ZDHHC15: variants seen among roughly 807,000 people sequenced by gnomAD.
ZDHHC15 encodes zDHHC palmitoyltransferase 15.
A neutral mutation model predicts 31.7 loss-of-function variants in ZDHHC15; 19 were observed. The observed-to-expected ratio is 0.60, with a 90% CI of 0.42 to 0.88. The LOEUF is 0.88. ZDHHC15 is among the 40% of genes least tolerant of loss of function. The probability of loss-of-function intolerance (pLI) is 0.00; values close to 1 mark genes in which losing one functional copy is unlikely to be tolerated. For synonymous variants in ZDHHC15, 103 were observed against 90.0 expected (o/e 1.14, Z -0.82); for missense variants, 209 against 251.2 (o/e 0.83, Z 1.14).
intron 3 of ZDHHC15, among the ~76,000 whole-genome samples, chrX:75,455,728 GAA>G (rs1569338975): frequency 8.9e-6 from 1 of 112,203 alleles, no homozygotes; most frequent in Non-Finnish European, 1.9e-5. Flanking sequence ...CTTTTCAAAA[GAA>G]GACATTTATG....
At chrX:75,490,999 G>T (rs1022762732) in intron 2 of ZDHHC15, among the ~76,000 whole-genome samples, 2 of 111,709 alleles carry the variant, frequency 1.8e-5, no homozygotes, top group African/African-American at 6.5e-5. Context: ...AGGATGTGGA[G>T]AAATAGGAAC....
chrX:75,461,098 G>A (rs760376660), intron 3 of ZDHHC15, among the ~76,000 whole-genome samples: 22 of 111,914 alleles, frequency 2.0e-4, no homozygotes, highest in East Asian at 5.6e-4. Context: ...GAATATAACC[G>A]ACATGACGGA....
intron 2 of ZDHHC15, among the ~76,000 whole-genome samples, chrX:75,485,808 C>A (rs754379993): frequency 2.7e-5 from 3 of 112,546 alleles, no homozygotes; most frequent in Non-Finnish European, 5.6e-5. Flanking sequence ...TAACAACTTA[C>A]GCTAAGTTAT....
chrX:75,419,542 A>T (rs954453370), intron 9 of ZDHHC15, among the ~76,000 whole-genome samples: 2 of 110,909 alleles, frequency 1.8e-5, no homozygotes, highest in Non-Finnish European at 3.8e-5. Context: ...TCAGTGTGGC[A>T]ATTCCTCAGG....
intron 4 of ZDHHC15, among the ~76,000 whole-genome samples, chrX:75,447,799 G>A (rs1440840975): frequency 9.0e-6 from 1 of 111,702 alleles, no homozygotes; most frequent in Non-Finnish European, 1.9e-5. Context: ...TCCACCAGGG[G>A]ACACAACAAT....
intron 10 of ZDHHC15, among the ~76,000 whole-genome samples, chrX:75,382,349 A>T: frequency 8.9e-6 from 1 of 112,471 alleles, no homozygotes; most frequent in Admixed American, 9.4e-5. Flanking sequence ...AACATCCATG[A>T]TATTACTGCA....
At chrX:75,400,886 T>C (rs768643496) in intron 10 of ZDHHC15, among the ~76,000 whole-genome samples, 1 of 111,637 alleles carries the variant, frequency 9.0e-6, no homozygotes, top group Non-Finnish European at 1.9e-5. Flanking sequence ...AAACTAAGCT[T>C]CCTAAGTGAA....
At chrX:75,489,999 G>A (rs2084850612) in intron 2 of ZDHHC15, among the ~76,000 whole-genome samples, 1 of 111,762 alleles carries the variant, frequency 8.9e-6, no homozygotes, top group Admixed American at 9.5e-5. Context: ...AGTGATGGAA[G>A]ATCAAATGAA....
At chrX:75,410,494 T>A (rs1347635447) in intron 10 of ZDHHC15, among the ~76,000 whole-genome samples, 1 of 112,156 alleles carries the variant, frequency 8.9e-6, no homozygotes, top group African/African-American at 3.2e-5. Context: ...AACAGGTATA[T>A]GAAAAATGCT....
rs1555989946 is a variant in ZDHHC15 at position 75,377,504 on chromosome X, A to AT, written c.*32+1615_*32+1616insA. The stretch of plus-strand genomic sequence containing the variant: ...GAGTGAGACTCCATCTCAAAAAAAA[A>AT]ATATATATATATGTATATATGAGTT... On this transcript the variant is annotated intron_variant, in intron 11 of 11. Coordinates refer to ENST00000373367, the MANE Select transcript of ZDHHC15 (RefSeq NM_144969.3). Among the ~76,000 whole-genome samples, 956 of 105,464 alleles carry AT rather than the reference A, an allele frequency of 9.1e-3. 4 individuals are homozygous for AT. The highest frequency in any genetic ancestry group is 0.013 in the Admixed American group (122 of 9,589). 91.6% of individuals were successfully genotyped at this position (105,464 alleles called of 115,157 possible). A position where few individuals can be genotyped will look rare whatever the true frequency, so the allele number is the denominator to read the frequency against.
rs182037308 is a variant in ZDHHC15, at chrX:75,418,658, G to A, written c.864-1468C>T. On this transcript the variant is annotated intron_variant, in intron 9 of 11. Transcript: ENST00000373367. Reference sequence around the variant, plus strand: ...ACAGAACAGAGGCCTCAGAAATAACGTCACAAATCTACAACCATCTGACCT... The same window carrying A: ...ACAGAACAGAGGCCTCAGAAATAACATCACAAATCTACAACCATCTGACCT... 3.8e-3 allele frequency among the ~76,000 whole-genome samples: 422 copies of A among 111,728 alleles called. 3 individuals carry two copies. Among genetic ancestry groups the A allele is most frequent in the African/African-American group, 0.013 (390 of 30,804 alleles).
intron 10 of ZDHHC15, among the ~76,000 whole-genome samples, chrX:75,413,908 A>G (rs1279980667): frequency 1.8e-5 from 2 of 110,271 alleles, no homozygotes; most frequent in African/African-American, 3.3e-5. Context: ...TCACCCTGAC[A>G]ATCATACCCA....
At chrX:75,405,196 A>G (rs1262100565) in intron 10 of ZDHHC15, among the ~76,000 whole-genome samples, 1 of 111,341 alleles carries the variant, frequency 9.0e-6, no homozygotes, top group African/African-American at 3.3e-5. Flanking sequence ...ATGAACAAAA[A>G]GAAGGAAAAA....
intron 3 of ZDHHC15, among the ~76,000 whole-genome samples, chrX:75,472,072 A>G (rs1447074646): frequency 9.0e-6 from 1 of 111,639 alleles, no homozygotes; most frequent in Non-Finnish European, 1.9e-5. Flanking sequence ...TCGATCATCA[A>G]ATGAAGTGGT....
At position 75,431,881 on chromosome X, in the gene ZDHHC15, G is replaced by T. The variant is rs140188068; in HGVS notation, c.380-361C>A. On this transcript the variant is annotated intron_variant, in intron 4 of 11. Transcript: ENST00000373367. ...TCTGATCTGAAAATAAGGATTCACA[G>T]TTTATCTCCTGTCTCCAGAGGTTGG... 3.6e-3 allele frequency among the ~76,000 whole-genome samples: 406 copies of T among 111,849 alleles called. 1 individual carries two copies. Among genetic ancestry groups the T allele is most frequent in the African/African-American group, 0.011 (326 of 30,842 alleles).
intron 3 of ZDHHC15, among the ~76,000 whole-genome samples, chrX:75,457,343 G>C (rs1444394879): frequency 2.7e-5 from 3 of 110,186 alleles, no homozygotes; most frequent in Non-Finnish European, 5.7e-5. Flanking sequence ...TGGGTTGTTT[G>C]TCTTTCTTTG....
At chrX:75,513,961 T>C (rs765531589) in intron 1 of ZDHHC15, among the ~76,000 whole-genome samples, 2 of 112,149 alleles carry the variant, frequency 1.8e-5, no homozygotes, top group African/African-American at 6.5e-5. Context: ...ATATTTAAAT[T>C]GCTGAAAGAA....
At position 75,480,453 on chromosome X, in the gene ZDHHC15, C is replaced by A. The variant is rs191423545; in HGVS notation, c.164-1468G>T. 1.4e-4 allele frequency among the ~76,000 whole-genome samples: 16 copies of A among 111,106 alleles called. No individual in the cohort carries two copies. In the East Asian group the frequency reaches 4.3e-3, roughly 30 times the overall value. ...TATTTTAACATTTTTAATTGTATCT[C>A]TTTTTAAAAGTAATATATTTATAAG... On this transcript the variant is annotated intron_variant, in intron 2 of 11. Transcript: ENST00000373367.
At chrX:75,444,687 TACACACAC>T (rs1172357698) in intron 4 of ZDHHC15, among the ~76,000 whole-genome samples, 22 of 29,501 alleles carry the variant, frequency 7.5e-4, no homozygotes, top group African/African-American at 3.4e-3. Flanking sequence ...TATATATATA[TACACACAC>T]ACACACACAC....
Sources: gnomAD v4.1 joint callset for allele counts (sites outside exome capture counted in the v4.1 genomes callset) on GRCh38, gnomAD v4.1.1 for gene constraint, MANE v1.5 for transcripts, NCBI Gene and HGNC (gene_info 2026-07-23, HGNC 2026-07-21) for gene names.